Variants in SSC5D observed in about 807,000 individuals in gnomAD.
SSC5D encodes the protein scavenger receptor cysteine rich family member with 5 domains.
A neutral mutation model predicts 104.6 loss-of-function variants in SSC5D; 106 were observed. The observed-to-expected ratio is 1.01, with a 90% CI of 0.87 to 1.19. The LOEUF (loss-of-function observed/expected upper bound fraction) is 1.19. SSC5D is among the 50% of genes most tolerant of loss of function. The pLI is 0.00. For missense variants in SSC5D, 1,993 were observed against 2,153.8 expected (o/e 0.93, Z 1.48); for synonymous variants, 860 against 883.5 (o/e 0.97, Z 0.47).
Position 55,489,447 on chromosome 19 carries a change from G to A in SSC5D, c.146G>A (p.Trp49Ter). Reference protein sequence around the residue: ...GRWGTVCDDGWDLRDAAVACR... With the variant: ...GRWGTVCDDG ...TGGGGCACCGTGTGTGATGACGGCT[G>A]GGACCTGCGCGATGCCGCCGTGGCC... The change falls in exon 3 of 14, where the codon TGG (tryptophan) becomes TAG (stop). Residue 49 changes from tryptophan (W) to a stop codon, truncating the protein, a stop_gained. Transcript: ENST00000389623. LOFTEE classifies it high-confidence loss of function. 1.3e-6 allele frequency: 2 copies of A among 1,487,194 alleles called. No homozygotes were observed. The highest frequency in any genetic ancestry group is 1.8e-6 in the Non-Finnish European group (2 of 1,126,300). The allele number at this position is 1,487,194 out of a possible 1,614,324, so 92.1% of individuals were successfully genotyped here.
In SSC5D at chr19:55,513,317, G is replaced by T; in HGVS notation, c.2947+145G>T. 3 of 896,716 alleles carry T rather than the reference G, an allele frequency of 3.3e-6. No homozygotes were observed. In the South Asian group the frequency reaches 6.8e-5, roughly 20 times the overall value. 55.5% of individuals were successfully genotyped at this position (896,716 alleles called of 1,614,324 possible). A position where few individuals can be genotyped will look rare whatever the true frequency, so the allele number is the denominator to read the frequency against. On this transcript the variant is annotated intron_variant, in intron 13 of 13. Coordinates refer to ENST00000389623, the MANE Select transcript of SSC5D (RefSeq NM_001144950.2). ...AAACAAAGGGTTATCGGCTGAGCAT[G>T]GTGGCTCATGCCTGTAATCACAGCA...
intron 13 of SSC5D, among the ~76,000 whole-genome samples, chr19:55,515,743 T>A (rs10419796): frequency 0.032 from 3,381 of 105,556 alleles, 114 homozygotes; most frequent in African/African-American, 0.12. Flanking sequence ...AAAAAAAAAA[T>A]AAAATAAAAT....
At position 55,517,554 on chromosome 19, in the gene SSC5D, C is replaced by A; in HGVS notation, c.3278C>A (p.Thr1093Asn). 7.1e-6 allele frequency: 11 copies of A among 1,551,598 alleles called. No homozygotes were observed. Among genetic ancestry groups the A allele is most frequent in the African/African-American group, 1.4e-5 (1 of 73,028 alleles). Residue 1093 changes from threonine (T) to asparagine (N), a missense_variant, in exon 14 of 14, where the codon ACC (threonine) becomes AAC (asparagine). Coordinates refer to ENST00000389623, the MANE Select transcript of SSC5D (RefSeq NM_001144950.2). ...GAGCCCTCACCCACGCCCTTACCCA[C>A]CTTGCCCAAAGAGCTGACCTCTGAC... ...TPEPSPTPLP[T>N]LPKELTSDPS...
chr19:55,518,084 C>G lies in SSC5D; in HGVS notation c.3808C>G (p.Gln1270Glu). 1.3e-6 allele frequency: 2 copies of G among 1,485,880 alleles called. No individual in the cohort carries two copies. Among genetic ancestry groups the G allele is most frequent in the Non-Finnish European group, 1.8e-6 (2 of 1,103,614 alleles). 92.0% of individuals were successfully genotyped at this position (1,485,880 alleles called of 1,614,324 possible). A position where few individuals can be genotyped will look rare whatever the true frequency, so the allele number is the denominator to read the frequency against. ...TTTPQPFTTM[Q>E]PTTMPHPTTT... ...AACCCCTCAACCCTTCACCACCATG[C>G]AGCCCACCACGATGCCTCATCCCAC... Residue 1270 changes from glutamine (Q) to glutamate (E), a missense_variant, in exon 14 of 14, where the codon CAG becomes GAG. Gln to Glu is a conservative substitution (Grantham distance 29). Coordinates refer to ENST00000389623, the MANE Select transcript of SSC5D (RefSeq NM_001144950.2).
At chr19:55,513,228 A>G in intron 13 of SSC5D, 56 bp downstream of exon 13, 1 of 1,436,864 alleles carries the variant, frequency 7.0e-7, no homozygotes, top group Admixed American at 2.9e-5. Context: ...TGGGGTAAAG[A>G]GACAGATTCC....
In SSC5D at chr19:55,518,950, C is replaced by T. The variant is rs77547366; in HGVS notation, c.4674C>T (p.Thr1558=). Residue 1558 remains threonine, a synonymous_variant, in exon 14 of 14, where the codon ACC becomes ACT. Coordinates refer to ENST00000389623, the MANE Select transcript of SSC5D (RefSeq NM_001144950.2). ...MAWTTSMPAP[T]TTTPEEEERP... ...GGACCACCAGCATGCCTGCACCAACCACCACTACCCCAGAGGAAGAAGAAA... is the reference window on the plus strand; with the variant it reads ...GGACCACCAGCATGCCTGCACCAACTACCACTACCCCAGAGGAAGAAGAAA... The T allele has an allele frequency of 2.1e-3, 3,196 of 1,550,434 alleles. 56 individuals carry two copies. The African/African-American group carries it at 0.036, about 17-fold the overall frequency.
At chr19:55,496,628 C>G (rs1987332712) in intron 8 of SSC5D, among the ~76,000 whole-genome samples, 1 of 152,150 alleles carries the variant, frequency 6.6e-6, no homozygotes, top group Admixed American at 6.5e-5. Flanking sequence ...ACAGATGAGG[C>G]AGCACCGCTG....
chr19:55,494,415 G>A (rs1487593340), intron 7 of SSC5D, among the ~76,000 whole-genome samples, 195 bp from the exon 8 acceptor site: 2 of 152,050 alleles, frequency 1.3e-5, no homozygotes, highest in African/African-American at 2.4e-5. Flanking sequence ...CTCTGTTCCC[G>A]TGCTCCGCAT....
Position 55,489,930 on chromosome 19 carries a change from G to T in SSC5D, c.410G>T (p.Gly137Val), listed in dbSNP as rs1240088050. The change falls in exon 4 of 14, where the codon GGG (glycine) becomes GTG (valine). Residue 137 changes from glycine to valine, a missense_variant. Transcript: ENST00000389623. ...SRDDSTSPLD[G>V]APWPGLLLEL... Reference sequence around the variant, plus strand: ...GACGACTCAACATCTCCCCTGGATGGGGCTCCCTGGCCAGGGCTGTTGCTG... The same window carrying T: ...GACGACTCAACATCTCCCCTGGATGTGGCTCCCTGGCCAGGGCTGTTGCTG... 1 of 1,549,770 alleles carries T rather than the reference G, an allele frequency of 6.5e-7. No individual in the cohort carries two copies. The highest frequency in any genetic ancestry group is 8.7e-7 in the Non-Finnish European group (1 of 1,146,632).
intron 8 of SSC5D, among the ~76,000 whole-genome samples, chr19:55,497,237 C>T (rs943325259): frequency 1.3e-5 from 2 of 152,110 alleles, no homozygotes; most frequent in Admixed American, 6.6e-5. Context: ...CCCTGAAGAC[C>T]GAGAGCTTTT....
chr19:55,518,778 G>A lies in SSC5D; in HGVS notation c.4502G>A (p.Gly1501Asp), dbSNP rs1488355228. Residue 1501 changes from glycine to aspartate, a missense_variant, in exon 14 of 14, where the codon GGT becomes GAT. By Grantham distance (94) the Gly-to-Asp change is moderately conservative. Around this residue, in one of 6 missense-constraint regions of SSC5D, gnomAD observed 349 missense variants for 397.6 expected, o/e 0.88. Transcript: ENST00000389623. ...VELVAAVRDV[G>D]GQLQRLTQVV... The stretch of plus-strand genomic sequence containing the variant: ...CTGGTGGCTGCTGTGAGGGATGTGG[G>A]TGGTCAGCTGCAGAGACTGACCCAG... 1.9e-6 allele frequency: 3 copies of A among 1,550,708 alleles called. No individual in the cohort carries two copies. Among genetic ancestry groups the A allele is most frequent in the African/African-American group, 2.7e-5 (2 of 73,180 alleles).
rs1401974332 is a variant in SSC5D, at chr19:55,518,804, G to C, written c.4528G>C (p.Val1510Leu). Residue 1510 changes from valine (V) to leucine (L), a missense_variant, in exon 14 of 14, where the codon GTC becomes CTC. Transcript: ENST00000389623. ...TGGTCAGCTGCAGAGACTGACCCAG[G>C]TCGTGGAACAGGAGCGGCAGGAGCG... is the stretch of plus-strand genomic sequence containing the variant. ...VGGQLQRLTQVVEQERQERQA... is the reference protein window; with the variant it reads ...VGGQLQRLTQLVEQERQERQA... The C allele has an allele frequency of 1.3e-6, 2 of 1,550,544 alleles. No individual in the cohort carries two copies. Among genetic ancestry groups the C allele is most frequent in the Non-Finnish European group, 1.7e-6 (2 of 1,146,972 alleles).
rs77278103 is a variant in SSC5D, at chr19:55,517,551, C to T, written c.3275C>T (p.Pro1092Leu). 0.01 allele frequency: 15,979 copies of T among 1,551,570 alleles called. 117 individuals carry two copies. The highest frequency in any genetic ancestry group is 0.013 in the Non-Finnish European group (14,469 of 1,147,026). Residue 1092 changes from proline to leucine, a missense_variant, in exon 14 of 14, where the codon CCC becomes CTC. This residue lies in a region of SSC5D where 423 missense variants were observed against 409.2 expected (regional missense o/e 1.03). Coordinates refer to ENST00000389623, the MANE Select transcript of SSC5D (RefSeq NM_001144950.2). ...LTPEPSPTPL[P>L]TLPKELTSDP... Reference sequence around the variant, plus strand: ...CCGGAGCCCTCACCCACGCCCTTACCCACCTTGCCCAAAGAGCTGACCTCT... The same window carrying T: ...CCGGAGCCCTCACCCACGCCCTTACTCACCTTGCCCAAAGAGCTGACCTCT...
rs147126977 is a variant in SSC5D at position 55,490,558 on chromosome 19, C to T, written c.586+150C>T. On this transcript the variant is annotated intron_variant, in intron 5 of 13. Coordinates refer to ENST00000389623, the MANE Select transcript of SSC5D (RefSeq NM_001144950.2). ...CGCGTCCCTCCCCCGGGGATTTAGACGGCCAGGCCTGGTCTCCCCTCTTCT... is the reference window on the plus strand; with the variant it reads ...CGCGTCCCTCCCCCGGGGATTTAGATGGCCAGGCCTGGTCTCCCCTCTTCT... The T allele has an allele frequency of 1.2e-3, 765 of 631,794 alleles. 9 individuals are homozygous for T. In the East Asian group the frequency reaches 0.021, roughly 17 times the overall value. The allele number at this position is 631,794 out of a possible 1,614,324, so 39.1% of individuals were successfully genotyped here.
rs930737922 is a variant in SSC5D, at chr19:55,511,718, C to T, written c.2786-1293C>T. Among the ~76,000 whole-genome samples, 9 of 152,010 alleles carry T rather than the reference C, an allele frequency of 5.9e-5. No homozygotes were observed. The East Asian group carries it at 9.7e-4, about 16-fold the overall frequency. ...GAGCAGAGCATCGTGTAGGACGAGACGATGCTGGAGAAGCTGGCAGGGGCT... is the reference window on the plus strand; with the variant it reads ...GAGCAGAGCATCGTGTAGGACGAGATGATGCTGGAGAAGCTGGCAGGGGCT... On this transcript the variant is annotated intron_variant, in intron 12 of 13. Transcript: ENST00000389623.
Position 55,518,223 on chromosome 19 carries a change from C to T in SSC5D, c.3947C>T (p.Thr1316Ile), listed in dbSNP as rs1987935295. 6.1e-6 allele frequency: 9 copies of T among 1,464,688 alleles called. No homozygotes were observed. The highest frequency in any genetic ancestry group is 8.2e-6 in the Non-Finnish European group (9 of 1,099,554). 90.7% of individuals were successfully genotyped at this position (1,464,688 alleles called of 1,614,324 possible). A position where few individuals can be genotyped will look rare whatever the true frequency, so the allele number is the denominator to read the frequency against. The change falls in exon 14 of 14, where the codon ACT (threonine) becomes ATT (isoleucine). Residue 1316 changes from threonine to isoleucine, a missense_variant. Transcript: ENST00000389623. ...ACCACGACCCCTTACCCCACCACTA[C>T]TCCTGATCCCACCACGACCCCTCAC... ...DPTTTPYPTT[T>I]PDPTTTPHPT... is the part of the protein sequence containing the mutation.
chr19:55,515,038 C>T (rs763099904), intron 13 of SSC5D, among the ~76,000 whole-genome samples: 11 of 152,230 alleles, frequency 7.2e-5, no homozygotes, highest in Non-Finnish European at 1.3e-4. Context: ...GGAAGGGATG[C>T]GCCTGAAAGA....
In SSC5D at chr19:55,517,121, C is replaced by T; in HGVS notation, c.2948-103C>T. Reference sequence around the variant, plus strand: ...CGGTGACCCATGACGTCTCGAGGCTCTGTGCCTTTCCATTGGTCGGCTCCT... The same window carrying T: ...CGGTGACCCATGACGTCTCGAGGCTTTGTGCCTTTCCATTGGTCGGCTCCT... On this transcript the variant is annotated intron_variant, in intron 13 of 13. Coordinates refer to ENST00000389623, the MANE Select transcript of SSC5D (RefSeq NM_001144950.2). 5 of 1,100,316 alleles carry T rather than the reference C, an allele frequency of 4.5e-6. No individual in the cohort carries two copies. The South Asian group carries it at 4.6e-5, about 10-fold the overall frequency. The allele number at this position is 1,100,316 out of a possible 1,614,324, so 68.2% of individuals were successfully genotyped here.
chr19:55,500,354 T>C lies in SSC5D; in HGVS notation c.2244T>C (p.Ser748=). The change falls in exon 10 of 14, where the codon TCT becomes TCC. Residue 748 remains serine, a synonymous_variant. Coordinates refer to ENST00000389623, the MANE Select transcript of SSC5D (RefSeq NM_001144950.2). This position sits in a 1 kb window ranked among gnomAD's most constrained non-coding sequence, Gnocchi z 4.6. ...CATCTGCTGAGATCCCAGAAGGGTC[T>C]CCAGAGTCACCCAAAGACCCGGCCC... ...LEPSAEIPEG[S]PESPKDPAPS... 1 of 1,551,438 alleles carries C rather than the reference T, an allele frequency of 6.4e-7. No individual in the cohort carries two copies. Among genetic ancestry groups the C allele is most frequent in the Non-Finnish European group, 8.7e-7 (1 of 1,146,976 alleles).
Sources: gnomAD v4.1 joint callset for allele counts (sites outside exome capture counted in the v4.1 genomes callset) on GRCh38, gnomAD v4.1.1 for gene constraint, gnomAD v4.1.1 regional missense constraint, Gnocchi (gnomAD v3.1) non-coding constraint, MANE v1.5 for transcripts, NCBI Gene and HGNC (gene_info 2026-07-23, HGNC 2026-07-21) for gene names.